SLC38A5: variants seen among roughly 807,000 people sequenced by gnomAD.
The protein encoded by SLC38A5 is solute carrier family 38 member 5.
In SLC38A5, 9 loss-of-function variants were observed where a neutral mutation model predicts 34.6. The ratio of observed to expected loss-of-function variants is 0.26; its 90% confidence interval spans 0.16 to 0.45. The LOEUF is 0.45. Among genes scored for constraint, SLC38A5 ranks in the 20% least tolerant of loss-of-function variants. The pLI, the probability that SLC38A5 is intolerant of heterozygous loss-of-function variation, is 1.00. For missense variants in SLC38A5, 253 were observed against 394.7 expected (o/e 0.64, Z 3.04); for synonymous variants, 157 against 155.6 (o/e 1.01, Z -0.07).
intron 2 of SLC38A5, chrX:48,468,618 C>T: frequency 1.1e-5 from 2 of 175,771 alleles, no homozygotes; most frequent in Non-Finnish European, 1.8e-5. Context: ...GACAAGTGCC[C>T]GAACCGAGCC....
In SLC38A5 at chrX:48,467,906, T is replaced by C; in HGVS notation, c.19A>G (p.Lys7Glu). Residue 7 changes from lysine (K) to glutamate (E), a missense_variant, in exon 3 of 17, where the codon AAG becomes GAG. Lys to Glu is a moderately conservative substitution (Grantham distance 56). Transcript: ENST00000620913. MELQDPKMNGALPSDAV... is the reference protein window; with the variant it reads MELQDPEMNGALPSDAV... ...TCCGAAGGGAGGGCTCCATTCATCT[T>C]TGGATCCTGCAGTTCCATCCTGTGG... 1 of 1,206,927 alleles carries C rather than the reference T, an allele frequency of 8.3e-7. No homozygotes were observed. Among genetic ancestry groups the C allele is most frequent in the Non-Finnish European group, 1.1e-6 (1 of 892,972 alleles).
intron 2 of SLC38A5, chrX:48,468,522 G>C (rs2061495484): frequency 1.1e-5 from 5 of 463,912 alleles, no homozygotes; most frequent in Non-Finnish European, 1.3e-5. Flanking sequence ...GTGAGCTGAG[G>C]GTTGGGGACA....
At chrX:48,469,107 T>C (rs2061498711) in intron 2 of SLC38A5, 3 of 670,549 alleles carry the variant, frequency 4.5e-6, no homozygotes, top group Non-Finnish European at 5.3e-6. Context: ...AGGGAGGGTC[T>C]CAAGGAGTCC....
Position 48,458,915 on chromosome X carries a change from T to C in SLC38A5, c.*18A>G, listed in dbSNP as rs1180389355. 8.5e-7 allele frequency: 1 copy of C among 1,170,691 alleles called. No individual in the cohort carries two copies. The highest frequency in any genetic ancestry group is 1.1e-6 in the Non-Finnish European group (1 of 874,313). On this transcript the variant is annotated 3_prime_UTR_variant, in exon 17 of 17. Transcript: ENST00000620913. ...CTCCATGTGCATGCGCACAGGGACC[T>C]GGGCCAGCAGGGCCTGATCAGTGTC...
chrX:48,464,849 G>A (rs782678743), intron 8 of SLC38A5, among the ~76,000 whole-genome samples: 14 of 109,954 alleles, frequency 1.3e-4, no homozygotes, highest in Admixed American at 1.3e-3. Context: ...AAGGAGAATC[G>A]CTTGAACCTG....
At chrX:48,466,690 TGGGTCTG>T in intron 6 of SLC38A5, 102 bp downstream of exon 6, 1 of 859,706 alleles carries the variant, frequency 1.2e-6, no homozygotes, top group South Asian at 2.2e-5. Context: ...TTCAGGGAGC[TGGGTCTG>T]GGGTCTGGGG....
At chrX:48,459,484 C>T (rs1556961366) in intron 16 of SLC38A5, 52 bp downstream of exon 16, 1 of 1,024,361 alleles carries the variant, frequency 9.8e-7, no homozygotes, top group Non-Finnish European at 1.3e-6. Context: ...GGAGTGAGCA[C>T]TCCCTCCTTG....
At chrX:48,468,060 C>T in intron 2 of SLC38A5, 135 bp from the exon 3 acceptor site, 1 of 795,808 alleles carries the variant, frequency 1.3e-6, no homozygotes, top group Non-Finnish European at 1.8e-6. Context: ...GGCAGGGGAG[C>T]AGGAACAGAC....
intron 9 of SLC38A5, 103 bp from the exon 10 acceptor site, chrX:48,462,394 G>T: frequency 1.2e-6 from 1 of 843,320 alleles, no homozygotes; most frequent in Non-Finnish European, 1.7e-6. Context: ...ATCACCTGAG[G>T]TCAGGAGTTC....
intron 2 of SLC38A5, chrX:48,468,538 G>A (rs1345873850): frequency 2.1e-5 from 7 of 338,781 alleles, no homozygotes; most frequent in South Asian, 1.5e-4. Context: ...GGACAGACTC[G>A]GAGACCCCTG....
intron 9 of SLC38A5, among the ~76,000 whole-genome samples, 186 bp downstream of exon 9, chrX:48,462,712 A>G (rs2061443139): frequency 9.0e-6 from 1 of 111,229 alleles, no homozygotes; most frequent in African/African-American, 3.3e-5. Context: ...TTACCTTTGC[A>G]TAAGCTTCTA....
chrX:48,466,833 G>A lies in SLC38A5; in HGVS notation c.285C>T (p.Ser95=), dbSNP rs782667266. The A allele has an allele frequency of 2.5e-6, 3 of 1,206,267 alleles. No homozygotes were observed. Among genetic ancestry groups the A allele is most frequent in the Admixed American group, 2.2e-5 (1 of 45,422 alleles). ...LLCIALLSSY[S]IHLLLTCAGI... ...CAGCACAGGTCAGCAGGAGGTGGAT[G>A]GAGTAGGACGACAGAAGCGCAATGC... The change falls in exon 6 of 17, where the codon TCC becomes TCT. Residue 95 remains serine (S), a synonymous_variant. Transcript: ENST00000620913.
chrX:48,461,092 G>A lies in SLC38A5; in HGVS notation c.852-6C>T, dbSNP rs782750884. 2.5e-6 allele frequency: 3 copies of A among 1,201,525 alleles called. No homozygotes were observed. The South Asian group carries it at 5.4e-5, about 22-fold the overall frequency. On this transcript the variant is annotated splice_region_variant and splice_polypyrimidine_tract_variant and intron_variant, in intron 12 of 16. Transcript: ENST00000620913. ...GCATCCTGCGCTTGGAGGGCCTGAG[G>A]TGTAGAGGTCGTGGAACTGTCATGC...
Position 48,462,742 on chromosome X carries a change from C to T in SLC38A5, c.574+156G>A, listed in dbSNP as rs782021154. ...CTTCTACTTCCACCCAGAAAAACCT[C>T]CCCTCCATAGCAAACTCCTACTAAT... On this transcript the variant is annotated intron_variant, in intron 9 of 16. Coordinates refer to ENST00000620913, the MANE Select transcript of SLC38A5 (RefSeq NM_033518.4). 2.7e-5 allele frequency among the ~76,000 whole-genome samples: 3 copies of T among 111,502 alleles called. No homozygotes were observed. In the Admixed American group the frequency reaches 2.9e-4, roughly 11 times the overall value.
rs1173040543 is a variant in SLC38A5 at position 48,459,732 on chromosome X, C to T, written c.1213G>A (p.Gly405Arg). 6.6e-6 allele frequency: 8 copies of T among 1,208,008 alleles called. No homozygotes were observed. The highest frequency in any genetic ancestry group is 7.8e-6 in the Non-Finnish European group (7 of 894,389). The change falls in exon 15 of 17, where the codon GGG (glycine) becomes AGG (arginine). Residue 405 changes from glycine (G) to arginine (R), a missense_variant and splice_region_variant. By Grantham distance (125) the Gly-to-Arg change is moderately radical (BLOSUM62 -2). Around this residue, in one of 3 missense-constraint regions of SLC38A5, gnomAD observed 176 missense variants for 273.0 expected, o/e 0.64. Transcript: ENST00000620913. ...TGGGACTGGGGTGAGGTTTACTGAC[C>T]GATAACTCCAAAGATATCCCGGATG... ...PTIRDIFGVI[G>R]STSAPSLIFI...
chrX:48,462,562 C>A (rs1181150441), intron 9 of SLC38A5, among the ~76,000 whole-genome samples: 6 of 110,822 alleles, frequency 5.4e-5, no homozygotes, highest in African/African-American at 2.0e-4. Flanking sequence ...GAGCCAAGAC[C>A]ACGCCATTGC....
At chrX:48,459,444 A>C (rs1453696895) in intron 16 of SLC38A5, 92 bp downstream of exon 16, 6 of 798,519 alleles carry the variant, frequency 7.5e-6, no homozygotes, top group Non-Finnish European at 1.0e-5. Flanking sequence ...GCCCCCTCCT[A>C]TGCATGTCCC....
At chrX:48,468,557 G>T in intron 2 of SLC38A5, 1 of 245,077 alleles carries the variant, frequency 4.1e-6, no homozygotes, top group Non-Finnish European at 5.7e-6. Flanking sequence ...TGCCCCAGAC[G>T]CTGCAAACTG....
intron 4 of SLC38A5, 118 bp downstream of exon 4, chrX:48,467,592 G>C (rs1318965767): frequency 1.4e-6 from 1 of 699,480 alleles, no homozygotes; most frequent in African/African-American, 2.2e-5. Flanking sequence ...TAGCTGTGCT[G>C]GGGAGATAGC....
Sources: allele counts gnomAD v4.1 joint callset (sites outside exome capture counted in the v4.1 genomes callset), GRCh38; gene constraint gnomAD v4.1.1; regional missense constraint gnomAD v4.1.1; transcripts MANE v1.5; gene names NCBI Gene and HGNC (gene_info 2026-07-23, HGNC 2026-07-21).